The following ELMOD1 variants were observed in gnomAD, a reference collection of about 807,000 sequenced individuals.
ELMOD1 encodes the protein ELMO domain containing 1, also known as ELMO domain-containing protein 1.
A neutral mutation model predicts 46.7 loss-of-function variants in ELMOD1; 21 were observed. The observed-to-expected ratio is 0.45, with a 90% CI of 0.32 to 0.65. The LOEUF is 0.65. ELMOD1 is among the 30% of genes least tolerant of loss of function. ELMOD1 has a pLI of 0.04. For synonymous variants in ELMOD1, 122 were observed against 138.2 expected, an observed-to-expected ratio of 0.88 and a Z score of 0.82; for missense variants, 348 against 407.8, an observed-to-expected ratio of 0.85 and a Z score of 1.26.
intron 2 of ELMOD1, among the ~76,000 whole-genome samples, chr11:107,630,044 A>G (rs1303007207): frequency 6.6e-6 from 1 of 152,178 alleles, no homozygotes; most frequent in African/African-American, 2.4e-5. Context: ...AGAGGAGAGC[A>G]TGTTCTTCCC....
chr11:107,599,625 C>T (rs1865555056), intron 1 of ELMOD1, among the ~76,000 whole-genome samples: 1 of 151,394 alleles, frequency 6.6e-6, no homozygotes, highest in Admixed American at 6.6e-5. Flanking sequence ...GCCTGTAATC[C>T]CAGCTACTTG....
At chr11:107,607,454 A>G (rs1164746356) in intron 1 of ELMOD1, among the ~76,000 whole-genome samples, 2 of 152,094 alleles carry the variant, frequency 1.3e-5, no homozygotes, top group African/African-American at 4.8e-5. Context: ...TCAGGAGTTC[A>G]AGACCAGCCT....
At chr11:107,659,448 T>C (rs1219086940) in intron 11 of ELMOD1, among the ~76,000 whole-genome samples, 1 of 151,882 alleles carries the variant, frequency 6.6e-6, no homozygotes, top group Non-Finnish European at 1.5e-5. Flanking sequence ...TGCTGAAGGA[T>C]TAGAAAGGCT....
intron 1 of ELMOD1, among the ~76,000 whole-genome samples, chr11:107,605,712 T>G (rs1241971913): frequency 1.3e-5 from 2 of 152,212 alleles, no homozygotes; most frequent in Non-Finnish European, 2.9e-5. Context: ...AGTGTTTTAT[T>G]CATGAGGGGA....
intron 11 of ELMOD1, 75 bp from the exon 12 acceptor site, chr11:107,664,950 C>A: frequency 7.1e-7 from 1 of 1,400,712 alleles, no homozygotes; most frequent in Non-Finnish European, 9.8e-7. Flanking sequence ...TCTTCCTCAG[C>A]ATTCAGAATG....
At chr11:107,655,744 T>C (rs1016618899) in intron 10 of ELMOD1, among the ~76,000 whole-genome samples, 189 bp from the exon 11 acceptor site, 7 of 152,108 alleles carry the variant, frequency 4.6e-5, no homozygotes, top group Admixed American at 4.6e-4. Flanking sequence ...ATGAGTTTTC[T>C]GGGAAAGGGG....
At position 107,665,305 on chromosome 11, in the gene ELMOD1, A is replaced by C; in HGVS notation, c.*108A>C. 8.8e-7 allele frequency: 1 copy of C among 1,133,706 alleles called. No homozygotes were observed. The highest frequency in any genetic ancestry group is 1.3e-6 in the Non-Finnish European group (1 of 786,700). The allele number at this position is 1,133,706 out of a possible 1,614,324, so 70.2% of individuals were successfully genotyped here. A position where few individuals can be genotyped will look rare whatever the true frequency, so the allele number is the denominator to read the frequency against. ...TTGAATGCACACAGTGATTGTATGC[A>C]TGCCTTTTGGTACAGTGTTTTCATC... On this transcript the variant is annotated 3_prime_UTR_variant, in exon 12 of 12. Coordinates refer to ENST00000265840, the MANE Select transcript of ELMOD1 (RefSeq NM_018712.4).
chr11:107,625,553 C>T (rs781424997), intron 2 of ELMOD1: 243 of 985,228 alleles, frequency 2.5e-4, no homozygotes, highest in Non-Finnish European at 2.8e-4. Context: ...CCCCTCACCC[C>T]ACAGGCAAGG....
intron 2 of ELMOD1, among the ~76,000 whole-genome samples, chr11:107,618,473 T>C (rs1227684441): frequency 1.3e-5 from 2 of 152,232 alleles, no homozygotes; most frequent in African/African-American, 4.8e-5. Flanking sequence ...CCTGGTGCCA[T>C]GTGTCTCTGC....
chr11:107,607,826 TTTTC>T (rs1865711479), intron 1 of ELMOD1, among the ~76,000 whole-genome samples: 1 of 152,178 alleles, frequency 6.6e-6, no homozygotes. Context: ...CATGTCATTC[TTTTC>T]TTTCTTCTTT....
chr11:107,623,408 C>T (rs1295108592), intron 2 of ELMOD1: 1 of 152,240 alleles, frequency 6.6e-6, no homozygotes, highest in Non-Finnish European at 1.5e-5. Flanking sequence ...CTTTTCAGGG[C>T]CAACTCTTTG....
intron 11 of ELMOD1, among the ~76,000 whole-genome samples, chr11:107,659,850 C>A (rs1173222908): frequency 6.6e-6 from 1 of 151,966 alleles, no homozygotes; most frequent in Non-Finnish European, 1.5e-5. Context: ...TCACTTGAGC[C>A]CAGGAGTTTG....
intron 1 of ELMOD1, among the ~76,000 whole-genome samples, chr11:107,608,634 A>G (rs1465811818): frequency 6.6e-6 from 1 of 152,226 alleles, no homozygotes; most frequent in Non-Finnish European, 1.5e-5. Flanking sequence ...ATGAAGCCTC[A>G]GTAAAGAATA....
chr11:107,616,276 G>A (rs1182391915), intron 1 of ELMOD1, among the ~76,000 whole-genome samples: 1 of 151,958 alleles, frequency 6.6e-6, no homozygotes, highest in African/African-American at 2.4e-5. Flanking sequence ...GATTACAGGT[G>A]TGAGCCACTG....
At chr11:107,641,708 C>A (rs1866326640) in intron 6 of ELMOD1, among the ~76,000 whole-genome samples, 1 of 152,130 alleles carries the variant, frequency 6.6e-6, no homozygotes. Context: ...CTAGAATATA[C>A]TTTATGTAGC....
chr11:107,612,988 G>A (rs906683091), intron 1 of ELMOD1, among the ~76,000 whole-genome samples: 5 of 152,002 alleles, frequency 3.3e-5, no homozygotes, highest in Non-Finnish European at 7.4e-5. Context: ...TAGAACTAAT[G>A]GTTATTTTCC....
chr11:107,666,776 C>T lies in ELMOD1; in HGVS notation c.*1579C>T, dbSNP rs1202823429. ...TAAATTACATGTCATTCTACTGTAA[C>T]GTATATTGGATTTCATATTAATATT... On this transcript the variant is annotated 3_prime_UTR_variant, in exon 12 of 12. Coordinates refer to ENST00000265840, the MANE Select transcript of ELMOD1 (RefSeq NM_018712.4). 1.3e-5 allele frequency: 2 copies of T among 152,636 alleles called. No individual in the cohort carries two copies. The highest frequency in any genetic ancestry group is 2.1e-4 in the South Asian group (1 of 4,822). The allele number at this position is 152,636 out of a possible 1,614,324, so 9.5% of individuals were successfully genotyped here.
At chr11:107,636,308 G>A (rs1435863426) in intron 6 of ELMOD1, among the ~76,000 whole-genome samples, 1 of 152,146 alleles carries the variant, frequency 6.6e-6, no homozygotes, top group African/African-American at 2.4e-5. Context: ...GAATACTCCT[G>A]GCTGTCAAAG....
At chr11:107,618,947 A>G (rs956444246) in intron 2 of ELMOD1, among the ~76,000 whole-genome samples, 1 of 152,244 alleles carries the variant, frequency 6.6e-6, no homozygotes, top group Non-Finnish European at 1.5e-5. Context: ...AGAAAATACA[A>G]CATACTTTCC....
Sources: allele counts gnomAD v4.1 joint callset (sites outside exome capture counted in the v4.1 genomes callset), GRCh38; gene constraint gnomAD v4.1.1; transcripts MANE v1.5; gene names NCBI Gene and HGNC (gene_info 2026-07-23, HGNC 2026-07-21).